CSMD1: variants seen among roughly 807,000 people sequenced by gnomAD.
The protein encoded by CSMD1 is CUB and sushi domain-containing protein 1.
CSMD1 carries 213 observed loss-of-function variants against 417.5 expected under a neutral mutation model. The observed-to-expected ratio is 0.51, with a 90% CI of 0.46 to 0.57. CSMD1 has a LOEUF of 0.57. Ranked by LOEUF, CSMD1 falls within the 20% of genes least tolerant of loss-of-function variation. CSMD1 has a pLI of 0.00. For missense variants in CSMD1, 6,923 were observed against 4,529.7 expected (o/e 1.53, Z -15.17); for synonymous variants, 2,862 against 1,736.8 (o/e 1.65, Z -16.11).
chr8:3,540,664 A>G (rs1798399164), intron 10 of CSMD1, among the ~76,000 whole-genome samples: 1 of 152,174 alleles, frequency 6.6e-6, no homozygotes, highest in African/African-American at 2.4e-5. Flanking sequence ...AGAATCTACA[A>G]GGAACTCAAA....
chr8:2,938,476 C>T lies in CSMD1; in HGVS notation c.*109G>A, dbSNP rs376991095. 2.7e-5 allele frequency: 28 copies of T among 1,052,422 alleles called. No individual in the cohort carries two copies. Among genetic ancestry groups the T allele is most frequent in the South Asian group, 1.7e-4 (10 of 58,920 alleles). 65.2% of individuals were successfully genotyped at this position (1,052,422 alleles called of 1,614,324 possible). A position where few individuals can be genotyped will look rare whatever the true frequency, so the allele number is the denominator to read the frequency against. On this transcript the variant is annotated 3_prime_UTR_variant, in exon 70 of 70. Transcript: ENST00000635120. ...TATGCCAGTAGACAAGGTTGAAGAT[C>T]GCTGCAGTAAAGCCAGAGTGGAAGG...
intron 25 of CSMD1, among the ~76,000 whole-genome samples, chr8:3,291,356 G>C (rs944036477): frequency 7.3e-5 from 2 of 27,400 alleles, no homozygotes; most frequent in South Asian, 8.4e-4. Context: ...AGTTAGGGAG[G>C]ATTCCCATCT....
At chr8:3,608,116 G>C (rs961209869) in intron 8 of CSMD1, among the ~76,000 whole-genome samples, 1 of 150,568 alleles carries the variant, frequency 6.6e-6, no homozygotes, top group Non-Finnish European at 1.5e-5. Context: ...AGAGGTTGCA[G>C]TGAGCCAAGA....
At chr8:4,717,265 C>T (rs1311170960) in intron 1 of CSMD1, among the ~76,000 whole-genome samples, 1 of 149,330 alleles carries the variant, frequency 6.7e-6, no homozygotes, top group Non-Finnish European at 1.5e-5. Flanking sequence ...GAAAATAGGG[C>T]CTCAAAGAAG....
chr8:4,503,846 G>A (rs570471432), intron 2 of CSMD1, among the ~76,000 whole-genome samples: 1 of 151,834 alleles, frequency 6.6e-6, no homozygotes, highest in South Asian at 2.1e-4. Context: ...TTTTCTCAGA[G>A]AATATTCTTG....
chr8:4,508,679 C>T (rs1396417847), intron 2 of CSMD1, among the ~76,000 whole-genome samples: 1 of 152,056 alleles, frequency 6.6e-6, no homozygotes, highest in Non-Finnish European at 1.5e-5. Context: ...GATAACAAGG[C>T]AGCTGGTAGT....
chr8:3,239,651 T>C (rs1190460333), intron 26 of CSMD1, among the ~76,000 whole-genome samples: 6 of 152,144 alleles, frequency 3.9e-5, no homozygotes, highest in Non-Finnish European at 7.3e-5. Context: ...TAGATTTCTA[T>C]GATGGAAAGG....
intron 66 of CSMD1, among the ~76,000 whole-genome samples, chr8:2,950,604 A>C (rs1335826318): frequency 6.6e-6 from 1 of 152,200 alleles, no homozygotes; most frequent in African/African-American, 2.4e-5. Flanking sequence ...AGAAAGAATA[A>C]AAAATAACAT....
intron 1 of CSMD1, among the ~76,000 whole-genome samples, chr8:4,780,058 G>A (rs923542343): frequency 6.6e-6 from 1 of 151,938 alleles, no homozygotes; most frequent in African/African-American, 2.4e-5. Context: ...ACCCTCATGG[G>A]GCACGTACTT....
At chr8:4,907,524 A>T (rs201055895) in intron 1 of CSMD1, among the ~76,000 whole-genome samples, 6 of 145,364 alleles carry the variant, frequency 4.1e-5, no homozygotes, top group East Asian at 3.9e-4. Context: ...TGGAAAAAAA[A>T]TTTAAATTAT....
intron 2 of CSMD1, among the ~76,000 whole-genome samples, chr8:4,554,256 C>T (rs1251535723): frequency 6.6e-6 from 1 of 152,106 alleles, no homozygotes; most frequent in Non-Finnish European, 1.5e-5. Context: ...CCTGACTCAG[C>T]CTCCTGAGTA....
At chr8:4,538,291 C>T (rs113717161) in intron 2 of CSMD1, among the ~76,000 whole-genome samples, 265 of 151,640 alleles carry the variant, frequency 1.7e-3, no homozygotes, top group Middle Eastern at 3.4e-3. Context: ...CCTACCACTA[C>T]GACATTGCAA....
chr8:4,963,291 C>A (rs1809638168), intron 1 of CSMD1, among the ~76,000 whole-genome samples: 1 of 152,170 alleles, frequency 6.6e-6, no homozygotes, highest in Admixed American at 6.6e-5. Flanking sequence ...ACCTCCACCT[C>A]CGGGGTTCAA....
chr8:3,762,655 C>T (rs780883373), intron 5 of CSMD1, among the ~76,000 whole-genome samples: 20 of 152,324 alleles, frequency 1.3e-4, no homozygotes, highest in South Asian at 2.1e-4. Context: ...GCCCTGCTGA[C>T]GCCGTACAGG....
chr8:4,376,671 CGTT>C (rs1380174185), intron 3 of CSMD1, among the ~76,000 whole-genome samples: 2 of 152,258 alleles, frequency 1.3e-5, no homozygotes, highest in South Asian at 4.1e-4. Context: ...CATATCACAC[CGTT>C]GTTAACGCTG....
chr8:4,472,820 G>A (rs927083480), intron 2 of CSMD1, among the ~76,000 whole-genome samples: 1 of 151,516 alleles, frequency 6.6e-6, no homozygotes, highest in African/African-American at 2.4e-5. Context: ...TAAAAAATTT[G>A]GTATATATAC....
intron 3 of CSMD1, among the ~76,000 whole-genome samples, chr8:4,043,010 T>C (rs140074394): frequency 2.6e-5 from 4 of 151,836 alleles, no homozygotes; most frequent in Non-Finnish European, 5.9e-5. Context: ...CTTGCACCTG[T>C]AGTCCCAGCT....
At chr8:3,578,084 A>C (rs1162547219) in intron 9 of CSMD1, among the ~76,000 whole-genome samples, 2 of 152,190 alleles carry the variant, frequency 1.3e-5, no homozygotes, top group African/African-American at 4.8e-5. Context: ...TTCATAGTGG[A>C]GAGAGAAGAG....
intron 37 of CSMD1, among the ~76,000 whole-genome samples, chr8:3,177,913 T>G (rs1821045265): frequency 6.6e-6 from 1 of 152,246 alleles, no homozygotes; most frequent in African/African-American, 2.4e-5. Context: ...TTCATTGGTT[T>G]TCTTTAGAAA....
Sources: allele counts gnomAD v4.1 joint callset (sites outside exome capture counted in the v4.1 genomes callset), GRCh38; gene constraint gnomAD v4.1.1; transcripts MANE v1.5; gene names NCBI Gene and HGNC (gene_info 2026-07-23, HGNC 2026-07-21).